The following SPATS1 variants were observed in gnomAD, a reference collection of about 807,000 sequenced individuals.
The protein encoded by SPATS1 is spermatogenesis-associated serine-rich protein 1.
A neutral mutation model predicts 33.6 loss-of-function variants in SPATS1; 23 were observed. The ratio of observed to expected loss-of-function variants is 0.68; its 90% CI spans 0.49 to 0.97. The LOEUF is 0.97. Among genes scored for constraint, SPATS1 ranks in the 50% least tolerant of loss-of-function variants. The pLI, the probability that SPATS1 is intolerant of heterozygous loss-of-function variation, is 0.00. For synonymous variants in SPATS1, 131 were observed against 125.6 expected (o/e 1.04, Z -0.29); for missense variants, 327 against 361.0 (o/e 0.91, Z 0.76).
chr6:44,365,752 T>G (rs9369479), intron 5 of SPATS1, among the ~76,000 whole-genome samples: 4,840 of 152,326 alleles, frequency 0.032, 132 homozygotes, highest in East Asian at 0.071. Context: ...GTTCGCTCCC[T>G]TATATGGTTA....
At chr6:44,370,763 T>C (rs569587011) in intron 7 of SPATS1, among the ~76,000 whole-genome samples, 74 of 152,208 alleles carry the variant, frequency 4.9e-4, no homozygotes, top group Admixed American at 1.2e-3. Flanking sequence ...GTCTTTATTA[T>C]GTTGCATTGT....
Position 44,377,278 on chromosome 6 carries a change from A to G in SPATS1, c.*215A>G. 1.7e-6 allele frequency: 1 copy of G among 593,992 alleles called. No homozygotes were observed. Among genetic ancestry groups the G allele is most frequent in the South Asian group, 2.0e-5 (1 of 49,212 alleles). The allele number at this position is 593,992 out of a possible 1,614,324, so 36.8% of individuals were successfully genotyped here. On this transcript the variant is annotated 3_prime_UTR_variant, in exon 9 of 9. Coordinates refer to ENST00000674044, the MANE Select transcript of SPATS1 (RefSeq NM_001372081.1). ...AAACACCTGCATATCCTTCACATAG[A>G]TTCTATCATTGTTAATATTTGTTCA...
chr6:44,370,003 T>C, intron 6 of SPATS1, 48 bp from the exon 7 acceptor site: 1 of 1,410,564 alleles, frequency 7.1e-7, no homozygotes, highest in East Asian at 2.3e-5. Context: ...TTGATCTCTT[T>C]GCTGTAGATG....
chr6:44,368,290 CCT>C, intron 5 of SPATS1, 87 bp from the exon 6 acceptor site: 3 of 1,265,658 alleles, frequency 2.4e-6, no homozygotes, highest in Non-Finnish European at 3.2e-6. Flanking sequence ...ACTAAAATAT[CCT>C]CTTTCCATTG....
chr6:44,359,974 T>G (rs1399248222), intron 3 of SPATS1, among the ~76,000 whole-genome samples: 1 of 152,240 alleles, frequency 6.6e-6, no homozygotes, highest in Non-Finnish European at 1.5e-5. Flanking sequence ...GTTTCCACTT[T>G]TTGGCTGTTG....
intron 5 of SPATS1, among the ~76,000 whole-genome samples, chr6:44,363,739 C>A (rs1043361485): frequency 6.6e-6 from 1 of 150,868 alleles, no homozygotes; most frequent in African/African-American, 2.4e-5. Context: ...CCCTCCCTCT[C>A]TCCATCCTTT....
Position 44,377,171 on chromosome 6 carries a change from G to C in SPATS1, c.*108G>C. 1 of 1,381,200 alleles carries C rather than the reference G, an allele frequency of 7.2e-7. No individual in the cohort carries two copies. 85.6% of individuals were successfully genotyped at this position (1,381,200 alleles called of 1,614,324 possible). A position where few individuals can be genotyped will look rare whatever the true frequency, so the allele number is the denominator to read the frequency against. ...TAAATCCAGTGTTTGACCCTTATGAGGAAGTGTTGTGCTTTGCTTTTTTAA... is the reference window on the plus strand; with the variant it reads ...TAAATCCAGTGTTTGACCCTTATGACGAAGTGTTGTGCTTTGCTTTTTTAA... On this transcript the variant is annotated 3_prime_UTR_variant, in exon 9 of 9. Coordinates refer to ENST00000674044, the MANE Select transcript of SPATS1 (RefSeq NM_001372081.1).
intron 8 of SPATS1, among the ~76,000 whole-genome samples, 198 bp downstream of exon 8, chr6:44,376,671 G>A (rs1293145473): frequency 2.6e-5 from 4 of 152,060 alleles, no homozygotes; most frequent in Non-Finnish European, 4.4e-5. Flanking sequence ...GTGGTGGCGC[G>A]TGCCTGTAAT....
At chr6:44,348,850 T>C (rs902238127) in intron 2 of SPATS1, among the ~76,000 whole-genome samples, 1 of 152,126 alleles carries the variant, frequency 6.6e-6, no homozygotes, top group Non-Finnish European at 1.5e-5. Flanking sequence ...AATACAAAAA[T>C]TGGTCCTGGC....
At chr6:44,349,278 G>A (rs1442313490) in intron 2 of SPATS1, among the ~76,000 whole-genome samples, 10 of 115,820 alleles carry the variant, frequency 8.6e-5, no homozygotes, top group African/African-American at 1.7e-4. Flanking sequence ...CAGCCTGGGC[G>A]ACTCTGGCTC....
At chr6:44,356,588 C>T (rs960420895) in intron 3 of SPATS1, among the ~76,000 whole-genome samples, 2 of 152,154 alleles carry the variant, frequency 1.3e-5, no homozygotes, top group African/African-American at 4.8e-5. Context: ...TCCAAGCTCA[C>T]TCATATGGTT....
Position 44,379,781 on chromosome 6 carries a change from G to A in SPATS1, c.*2718G>A, listed in dbSNP as rs1790123382. Among the ~76,000 whole-genome samples, 1 of 139,980 alleles carries A rather than the reference G, an allele frequency of 7.1e-6. No homozygotes were observed. Among genetic ancestry groups the A allele is most frequent in the African/African-American group, 2.6e-5 (1 of 38,628 alleles). The allele number at this position is 139,980 out of a possible 152,430, so 91.8% of individuals were successfully genotyped here. ...TTTTAATCCAGGCCGCAAAAACCATGAGTAAAAAAAAAAAACACAAAAAAA... is the reference window on the plus strand; with the variant it reads ...TTTTAATCCAGGCCGCAAAAACCATAAGTAAAAAAAAAAAACACAAAAAAA... On this transcript the variant is annotated 3_prime_UTR_variant, in exon 9 of 9. Coordinates refer to ENST00000674044, the MANE Select transcript of SPATS1 (RefSeq NM_001372081.1).
At chr6:44,351,947 T>G (rs1010076960) in intron 2 of SPATS1, among the ~76,000 whole-genome samples, 34 of 152,156 alleles carry the variant, frequency 2.2e-4, no homozygotes, top group Admixed American at 7.9e-4. Flanking sequence ...ACAAATCCTT[T>G]GGAAAATTAT....
intron 5 of SPATS1, among the ~76,000 whole-genome samples, chr6:44,363,232 C>T (rs903609536): frequency 6.6e-6 from 1 of 152,102 alleles, no homozygotes; most frequent in Non-Finnish European, 1.5e-5. Flanking sequence ...GCCAGCCCCC[C>T]AGCCCCAGGC....
intron 2 of SPATS1, among the ~76,000 whole-genome samples, chr6:44,346,027 C>T (rs1054116814): frequency 2.0e-5 from 3 of 152,082 alleles, no homozygotes; most frequent in Non-Finnish European, 4.4e-5. Context: ...GTGTCTCATG[C>T]CTGTAATCCC....
intron 3 of SPATS1, among the ~76,000 whole-genome samples, chr6:44,353,323 C>T (rs868007525): frequency 3.3e-5 from 5 of 152,204 alleles, no homozygotes; most frequent in Non-Finnish European, 5.9e-5. Flanking sequence ...TTACTTTTCC[C>T]GGAAAGGGAC....
At position 44,377,379 on chromosome 6, in the gene SPATS1, C is replaced by A; in HGVS notation, c.*316C>A. ...AGAGTGAGTGGCAGATATTGTAACC[C>A]TTTACACCTGTATACCTACATACCT... is the stretch of plus-strand genomic sequence containing the variant. On this transcript the variant is annotated 3_prime_UTR_variant, in exon 9 of 9. Transcript: ENST00000674044. 2.3e-6 allele frequency: 1 copy of A among 432,556 alleles called. No individual in the cohort carries two copies. The highest frequency in any genetic ancestry group is 4.2e-6 in the Non-Finnish European group (1 of 235,868). 26.8% of individuals were successfully genotyped at this position (432,556 alleles called of 1,614,324 possible).
In SPATS1 at chr6:44,368,458, C is replaced by T; in HGVS notation, c.654C>T (p.Phe218=). ...PYMYPEQSKG[F]HKAGSMLPPV... is the part of the protein sequence containing the mutation. ...TGTACCCAGAACAGAGTAAAGGCTTCCACAAAGCAGGATCAATGCTCCCAC... is the reference window on the plus strand; with the variant it reads ...TGTACCCAGAACAGAGTAAAGGCTTTCACAAAGCAGGATCAATGCTCCCAC... The change falls in exon 6 of 9, where the codon TTC becomes TTT. Residue 218 remains phenylalanine, a synonymous_variant. Coordinates refer to ENST00000674044, the MANE Select transcript of SPATS1 (RefSeq NM_001372081.1). 1 of 1,613,028 alleles carries T rather than the reference C, an allele frequency of 6.2e-7. No homozygotes were observed. The highest frequency in any genetic ancestry group is 8.5e-7 in the Non-Finnish European group (1 of 1,179,412).
rs907663970 is a variant in SPATS1, at chr6:44,379,978, T to G, written c.*2915T>G. Among the ~76,000 whole-genome samples the G allele has an allele frequency of 1.3e-5, 2 of 152,148 alleles. No homozygotes were observed. The highest frequency in any genetic ancestry group is 4.8e-5 in the African/African-American group (2 of 41,432). On this transcript the variant is annotated 3_prime_UTR_variant, in exon 9 of 9. Coordinates refer to ENST00000674044, the MANE Select transcript of SPATS1 (RefSeq NM_001372081.1). ...CAATAGCTGTCAGGTAGAGTTCCAC[T>G]GCCAACTTTGGACAGCATGAGTATG...
Sources: gnomAD v4.1 joint callset for allele counts (sites outside exome capture counted in the v4.1 genomes callset) on GRCh38, gnomAD v4.1.1 for gene constraint, MANE v1.5 for transcripts, NCBI Gene and HGNC (gene_info 2026-07-23, HGNC 2026-07-21) for gene names.